The following DNAH11 variants were observed in gnomAD, a reference collection of about 807,000 sequenced individuals.
DNAH11 encodes dynein axonemal heavy chain 11.
DNAH11 carries 442 observed loss-of-function variants against 526.0 expected under a neutral mutation model. The observed-to-expected ratio is 0.84, with a 90% CI of 0.78 to 0.91. The LOEUF is 0.91. Among genes scored for constraint, DNAH11 ranks in the 40% least tolerant of loss-of-function variants. The pLI, the probability that DNAH11 is intolerant of heterozygous loss-of-function variation, is 0.00. For synonymous variants in DNAH11, 2,461 were observed against 1,935.9 expected (o/e 1.27, Z -7.12); for missense variants, 6,989 against 5,448.7 (o/e 1.28, Z -8.90).
Position 21,591,593 on chromosome 7 carries a change from C to T in DNAH11, c.2667+16C>T. 6.6e-7 allele frequency: 1 copy of T among 1,508,978 alleles called. No individual in the cohort carries two copies. Among genetic ancestry groups the T allele is most frequent in the South Asian group, 1.4e-5 (1 of 70,826 alleles). The allele number at this position is 1,508,978 out of a possible 1,614,324, so 93.5% of individuals were successfully genotyped here. A position where few individuals can be genotyped will look rare whatever the true frequency, so the allele number is the denominator to read the frequency against. ...CTTGGTCGAGGTAATGGCTTTTAAC[C>T]TTTCAAGATTTATAGATCTTTTCAT... On this transcript the variant is annotated intron_variant, in intron 14 of 81. Coordinates refer to ENST00000409508, the MANE Select transcript of DNAH11 (RefSeq NM_001277115.2).
chr7:21,655,790 C>G, intron 28 of DNAH11, 42 bp from the exon 29 acceptor site: 1 of 1,563,876 alleles, frequency 6.4e-7, no homozygotes, highest in African/African-American at 1.3e-5. Context: ...AATATACCTA[C>G]AGTAAGAAAT....
chr7:21,808,916 G>T (rs1355276400), intron 63 of DNAH11, among the ~76,000 whole-genome samples: 1 of 152,118 alleles, frequency 6.6e-6, no homozygotes, highest in African/African-American at 2.4e-5. Context: ...TAGATTGCTG[G>T]ATCATATGGT....
intron 54 of DNAH11, among the ~76,000 whole-genome samples, chr7:21,754,423 G>T (rs781213198): frequency 2.6e-5 from 4 of 151,028 alleles, no homozygotes; most frequent in Non-Finnish European, 5.9e-5. Context: ...GTTTCCTTTG[G>T]GTCTGTGTGT....
intron 34 of DNAH11, among the ~76,000 whole-genome samples, chr7:21,688,659 A>G (rs1583595640): frequency 6.6e-6 from 1 of 151,828 alleles, no homozygotes; most frequent in Non-Finnish European, 1.5e-5. Context: ...CCTTCCACCA[A>G]CTCCTTCTTT....
chr7:21,755,705 T>G (rs1039542184), intron 54 of DNAH11, among the ~76,000 whole-genome samples: 4 of 152,170 alleles, frequency 2.6e-5, no homozygotes, highest in Non-Finnish European at 4.4e-5. Flanking sequence ...ACTAAAAAAT[T>G]TCTATTTACC....
At chr7:21,553,493 T>G (rs1469404911) in intron 2 of DNAH11, among the ~76,000 whole-genome samples, 1 of 152,176 alleles carries the variant, frequency 6.6e-6, no homozygotes, top group East Asian at 1.9e-4. Context: ...AAAATGTCAC[T>G]TCTTCTCCCT....
chr7:21,792,634 G>C (rs919311352), intron 61 of DNAH11, among the ~76,000 whole-genome samples: 2 of 152,164 alleles, frequency 1.3e-5, no homozygotes, highest in East Asian at 3.9e-4. Flanking sequence ...GAGTGTATAT[G>C]TGCAGGAATT....
At chr7:21,782,878 C>G (rs548901248) in intron 57 of DNAH11, among the ~76,000 whole-genome samples, 77 of 150,644 alleles carry the variant, frequency 5.1e-4, no homozygotes, top group African/African-American at 1.9e-3. Flanking sequence ...CCACTGCACT[C>G]CAGCCTGGGT....
chr7:21,565,175 C>T (rs938604638), intron 6 of DNAH11, among the ~76,000 whole-genome samples: 1 of 152,158 alleles, frequency 6.6e-6, no homozygotes, highest in African/African-American at 2.4e-5. Flanking sequence ...GATGAGGGTG[C>T]CAGCGTGCTC....
At chr7:21,830,106 C>T (rs1054296060) in intron 65 of DNAH11, among the ~76,000 whole-genome samples, 4 of 152,072 alleles carry the variant, frequency 2.6e-5, no homozygotes, top group Admixed American at 6.5e-5. Context: ...GCATATCTGA[C>T]GTTTGAAAGG....
At chr7:21,871,264 C>T (rs558630184) in intron 73 of DNAH11, among the ~76,000 whole-genome samples, 2 of 152,256 alleles carry the variant, frequency 1.3e-5, no homozygotes, top group African/African-American at 4.8e-5. Flanking sequence ...TATTAAAAAC[C>T]ATTTTTCAAG....
Position 21,738,059 on chromosome 7 carries a change from T to G in DNAH11, c.7646-642T>G, listed in dbSNP as rs1000512712. Among the ~76,000 whole-genome samples the G allele has an allele frequency of 7.2e-5, 11 of 152,350 alleles. No homozygotes were observed. In the South Asian group the frequency reaches 1.0e-3, roughly 14 times the overall value. ...TAGTTCCTTGGTCTCAAAATACTTA[T>G]AGTCTGTTTGGAGAGTCAACAAGTA... On this transcript the variant is annotated intron_variant, in intron 46 of 81. Coordinates refer to ENST00000409508, the MANE Select transcript of DNAH11 (RefSeq NM_001277115.2).
At chr7:21,564,531 G>T (rs887603295) in intron 6 of DNAH11, 134 bp downstream of exon 6, 1 of 611,758 alleles carries the variant, frequency 1.6e-6, no homozygotes, top group African/African-American at 1.9e-5. Context: ...GACATTTTTG[G>T]TAACAAAGGC....
intron 44 of DNAH11, among the ~76,000 whole-genome samples, chr7:21,721,348 T>C (rs919374583): frequency 6.6e-6 from 1 of 152,226 alleles, no homozygotes; most frequent in Non-Finnish European, 1.5e-5. Flanking sequence ...CTGCCAACCC[T>C]ATTCCCTCTT....
chr7:21,837,969 A>G (rs754009646), intron 65 of DNAH11, among the ~76,000 whole-genome samples: 15 of 152,204 alleles, frequency 9.9e-5, no homozygotes, highest in Admixed American at 6.5e-4. Context: ...TTATGTGTCA[A>G]TTAAAAACAG....
chr7:21,683,062 T>C (rs1782737644), intron 31 of DNAH11, among the ~76,000 whole-genome samples: 2 of 152,226 alleles, frequency 1.3e-5, no homozygotes, highest in Admixed American at 1.3e-4. Flanking sequence ...TAAATTCTGA[T>C]TTAAAATATG....
chr7:21,621,467 T>A (rs1263401082), intron 25 of DNAH11, among the ~76,000 whole-genome samples: 2 of 152,164 alleles, frequency 1.3e-5, no homozygotes. Flanking sequence ...CCCTAACTCA[T>A]TTTATGAGGC....
At chr7:21,681,818 G>GTTTT in intron 31 of DNAH11, 141 bp downstream of exon 31, 1 of 1,084,162 alleles carries the variant, frequency 9.2e-7, no homozygotes, top group Non-Finnish European at 1.4e-6. Context: ...GTTTGTCTTG[G>GTTTT]GTGCATTTGA....
intron 60 of DNAH11, among the ~76,000 whole-genome samples, chr7:21,788,722 G>T (rs1485787356): frequency 6.6e-6 from 1 of 152,230 alleles, no homozygotes; most frequent in East Asian, 1.9e-4. Flanking sequence ...TCTGTGTTGA[G>T]AATTTTTCCA....
Sources: allele counts gnomAD v4.1 joint callset (sites outside exome capture counted in the v4.1 genomes callset), GRCh38; gene constraint gnomAD v4.1.1; transcripts MANE v1.5; gene names NCBI Gene and HGNC (gene_info 2026-07-23, HGNC 2026-07-21).